Variants in HIPK3 observed in about 807,000 individuals in gnomAD.
The protein encoded by HIPK3 is homeodomain-interacting protein kinase 3.
HIPK3 carries 47 observed loss-of-function variants against 124.2 expected under a neutral mutation model. The observed-to-expected ratio is 0.38, with a 90% CI of 0.30 to 0.48. The LOEUF is 0.48. HIPK3 is among the 20% of genes least tolerant of loss of function. The pLI is 0.98. For missense variants in HIPK3, 1,286 were observed against 1,454.3 expected, an observed-to-expected ratio of 0.88 and a Z score of 1.88; for synonymous variants, 482 against 515.2, an observed-to-expected ratio of 0.94 and a Z score of 0.87.
At chr11:33,294,443 T>C (rs1851786888) in intron 2 of HIPK3, among the ~76,000 whole-genome samples, 1 of 151,372 alleles carries the variant, frequency 6.6e-6, no homozygotes, top group African/African-American at 2.4e-5. Context: ...CCCACCTACC[T>C]TTTCCTACAG....
rs536920982 is a variant in HIPK3 at position 33,277,115 on chromosome 11, G to A, written c.-2-9298G>A. Among the ~76,000 whole-genome samples the A allele has an allele frequency of 3.3e-5, 5 of 152,258 alleles. No individual in the cohort carries two copies. In the South Asian group the frequency reaches 1.0e-3, roughly 32 times the overall value. ...ATTAATGTAAACCCAGGCTATGAAA[G>A]TATAGGGAGTAATAGAATCACTTCC... On this transcript the variant is annotated intron_variant, in intron 1 of 16. Coordinates refer to ENST00000303296, the MANE Select transcript of HIPK3 (RefSeq NM_005734.5).
At chr11:33,304,086 G>A (rs1408040202) in intron 2 of HIPK3, among the ~76,000 whole-genome samples, 5 of 151,992 alleles carry the variant, frequency 3.3e-5, no homozygotes, top group Non-Finnish European at 4.4e-5. Flanking sequence ...GACTACAGGC[G>A]TGCACCAGCA....
intron 1 of HIPK3, among the ~76,000 whole-genome samples, chr11:33,285,973 C>T (rs184708326): frequency 3.7e-4 from 56 of 152,204 alleles, no homozygotes; most frequent in African/African-American, 1.3e-3. Flanking sequence ...GATTTCTTCA[C>T]CGTGTTGGCC....
intron 2 of HIPK3, among the ~76,000 whole-genome samples, chr11:33,326,848 T>A (rs4755566): frequency 0.65 from 98,745 of 151,526 alleles, 32,426 homozygotes; most frequent in Non-Finnish European, 0.7. Context: ...TTAAAAAAAA[T>A]TTTTTCTTTT....
At chr11:33,325,444 T>C (rs266493) in intron 2 of HIPK3, among the ~76,000 whole-genome samples, 2,143 of 152,338 alleles carry the variant, frequency 0.014, 57 homozygotes, top group African/African-American at 0.049. Context: ...ATTTTTGTTT[T>C]GCATTCAGAT....
At chr11:33,336,881 A>G (rs1467820437) in intron 3 of HIPK3, among the ~76,000 whole-genome samples, 194 bp from the exon 4 acceptor site, 1 of 152,192 alleles carries the variant, frequency 6.6e-6, no homozygotes, top group Admixed American at 6.5e-5. Context: ...CTTTTCTATC[A>G]AGCGTGCATT....
At chr11:33,322,342 A>G (rs987429403) in intron 2 of HIPK3, among the ~76,000 whole-genome samples, 2 of 152,284 alleles carry the variant, frequency 1.3e-5, no homozygotes, top group South Asian at 2.1e-4. Context: ...ATAAAGTTCA[A>G]TGAAATTTGC....
At chr11:33,260,329 AT>A (rs1850789625) in intron 1 of HIPK3, among the ~76,000 whole-genome samples, 1 of 152,182 alleles carries the variant, frequency 6.6e-6, no homozygotes, top group South Asian at 2.1e-4. Flanking sequence ...TATCAAATTA[AT>A]TTTTTGATTG....
In HIPK3 at chr11:33,333,947, C is replaced by T. The variant is rs1853062885; in HGVS notation, c.1222-3128C>T. Among the ~76,000 whole-genome samples, 3 of 152,276 alleles carry T rather than the reference C, an allele frequency of 2.0e-5. No homozygotes were observed. The South Asian group carries it at 6.2e-4, about 32-fold the overall frequency. On this transcript the variant is annotated intron_variant, in intron 3 of 16. Transcript: ENST00000303296. Reference sequence around the variant, plus strand: ...TTGTTGATGGCTTTTCTGTCTGATGCAGCATCTAGGCACCAAACTCTTAGT... The same window carrying T: ...TTGTTGATGGCTTTTCTGTCTGATGTAGCATCTAGGCACCAAACTCTTAGT...
intron 1 of HIPK3, among the ~76,000 whole-genome samples, chr11:33,283,147 G>A (rs1851455961): frequency 6.7e-6 from 1 of 149,198 alleles, no homozygotes; most frequent in African/African-American, 2.5e-5. Context: ...GTCTCCCTCT[G>A]CCGCCCAGGA....
At chr11:33,314,072 A>G (rs1040922366) in intron 2 of HIPK3, among the ~76,000 whole-genome samples, 3 of 152,060 alleles carry the variant, frequency 2.0e-5, no homozygotes, top group Non-Finnish European at 4.4e-5. Context: ...TCCTCCTGCC[A>G]TGGACTCCCA....
intron 1 of HIPK3, among the ~76,000 whole-genome samples, chr11:33,281,058 CTTTT>C (rs56902582): frequency 8.9e-5 from 10 of 111,808 alleles, no homozygotes; most frequent in Non-Finnish European, 1.2e-4. Context: ...ACTTATTTGA[CTTTT>C]TTTTTTTTTT....
At chr11:33,267,734 G>C (rs1851009791) in intron 1 of HIPK3, among the ~76,000 whole-genome samples, 1 of 151,374 alleles carries the variant, frequency 6.6e-6, no homozygotes, top group Admixed American at 6.6e-5. Flanking sequence ...CTGACCTCGT[G>C]ATCCGCCCGC....
Position 33,353,334 on chromosome 11 carries a change from C to A in HIPK3, c.3414C>A (p.Ala1138=). ...CTGCACCAGTGGCCCACCTGTTAGC[C>A]TCTCCGTGTACCTCAAGACCTATGT... ...SSAAPVAHLL[A]SPCTSRPMLQ... The change falls in exon 17 of 17, where the codon GCC becomes GCA. Residue 1138 remains alanine, a synonymous_variant. Coordinates refer to ENST00000303296, the MANE Select transcript of HIPK3 (RefSeq NM_005734.5). 1 of 1,614,122 alleles carries A rather than the reference C, an allele frequency of 6.2e-7. No individual in the cohort carries two copies. The highest frequency in any genetic ancestry group is 8.5e-7 in the Non-Finnish European group (1 of 1,179,974).
rs1976002 is a variant in HIPK3, at chr11:33,307,608, G to A, written c.1097+20097G>A. The stretch of plus-strand genomic sequence containing the variant: ...TTTTTAGTAGAGACGGGGTTTCACC[G>A]TGTTAGCCAGGATGGTCTCGATCTC... On this transcript the variant is annotated intron_variant, in intron 2 of 16. Coordinates refer to ENST00000303296, the MANE Select transcript of HIPK3 (RefSeq NM_005734.5). Among the ~76,000 whole-genome samples, 13 of 149,902 alleles carry A rather than the reference G, an allele frequency of 8.7e-5. No individual in the cohort carries two copies. The East Asian group carries it at 2.2e-3, about 25-fold the overall frequency.
At position 33,278,737 on chromosome 11, in the gene HIPK3, G is replaced by A. The variant is rs546512850; in HGVS notation, c.-2-7676G>A. ...TGGACGCCTGTAGTCCCAGCTACTC[G>A]GAAGGCTGAGGCAGGAGAATGGCGT... On this transcript the variant is annotated intron_variant, in intron 1 of 16. Transcript: ENST00000303296. Among the ~76,000 whole-genome samples the A allele has an allele frequency of 1.2e-4, 18 of 152,188 alleles. No individual in the cohort carries two copies. In the South Asian group the frequency reaches 3.7e-3, roughly 32 times the overall value.
rs558728017 is a variant in HIPK3, at chr11:33,308,333, A to T, written c.1098-20177A>T. 3.4e-4 allele frequency among the ~76,000 whole-genome samples: 52 copies of T among 152,278 alleles called. 2 individuals carry two copies. In the South Asian group the frequency reaches 9.9e-3, roughly 29 times the overall value. ...TGTAAATCCTCCTGATTGTTCTTCA[A>T]GGGCCTATTTTTTTGTCCTTTGCAT... On this transcript the variant is annotated intron_variant, in intron 2 of 16. Transcript: ENST00000303296.
intron 12 of HIPK3, 67 bp from the exon 13 acceptor site, chr11:33,348,455 G>A: frequency 7.5e-7 from 1 of 1,328,538 alleles, no homozygotes; most frequent in Non-Finnish European, 1.0e-6. Context: ...GGTTTAACAA[G>A]ATACCTTAGA....
chr11:33,352,352 T>C lies in HIPK3; in HGVS notation c.3171+87T>C, dbSNP rs1031971796. ...GTGGAGGAGAAAGCTTCTGAAACTG[T>C]ATGTAGTGTTAATGAATTTTTCCCT... On this transcript the variant is annotated intron_variant, in intron 16 of 16. Transcript: ENST00000303296. 2.9e-6 allele frequency: 4 copies of C among 1,378,496 alleles called. No homozygotes were observed. The African/African-American group carries it at 4.3e-5, about 15-fold the overall frequency. The allele number at this position is 1,378,496 out of a possible 1,614,324, so 85.4% of individuals were successfully genotyped here. A position where few individuals can be genotyped will look rare whatever the true frequency, so the allele number is the denominator to read the frequency against.
Sources: gnomAD v4.1 joint callset for allele counts (sites outside exome capture counted in the v4.1 genomes callset) on GRCh38, gnomAD v4.1.1 for gene constraint, MANE v1.5 for transcripts, NCBI Gene and HGNC (gene_info 2026-07-23, HGNC 2026-07-21) for gene names.